PRUNE1: variants seen among roughly 807,000 people sequenced by gnomAD.
The protein encoded by PRUNE1 is exopolyphosphatase PRUNE1.
A neutral mutation model predicts 42.5 loss-of-function variants in PRUNE1; 25 were observed. That is an observed-to-expected ratio of 0.59 (90% CI 0.43 to 0.82). The LOEUF (loss-of-function observed/expected upper bound fraction) is 0.82. Ranked by LOEUF, PRUNE1 falls within the 40% of genes least tolerant of loss-of-function variation. PRUNE1 has a pLI of 0.00. For synonymous variants in PRUNE1, 203 were observed against 217.1 expected (o/e 0.93, Z 0.57); for missense variants, 443 against 539.3 (o/e 0.82, Z 1.77).
At position 151,033,931 on chromosome 1, in the gene PRUNE1, C is replaced by G. The variant is rs896026944; in HGVS notation, c.1059C>G (p.Pro353=). 1 of 1,614,112 alleles carries G rather than the reference C, an allele frequency of 6.2e-7. No homozygotes were observed. Reference sequence around the variant, plus strand: ...AGGTCTCTCGAAAGAAACTTCTGCCCCTGCTCCAGGAAGCCCTGTCAGCAT... The same window carrying G: ...AGGTCTCTCGAAAGAAACTTCTGCCGCTGCTCCAGGAAGCCCTGTCAGCAT... ...NTQVSRKKLL[P]LLQEALSAYF... The change falls in exon 8 of 8, where the codon CCC becomes CCG. Residue 353 remains proline, a synonymous_variant. Transcript: ENST00000271620.
Position 151,027,392 on chromosome 1 carries a change from G to GC in PRUNE1, c.774+67dup, listed in dbSNP as rs1375490306. ...TTTAGCTATGCATGTTATGCATGTG[G>GC]CCTTGCACCTCATTCCTGGCTCACC... On this transcript the variant is annotated intron_variant, in intron 6 of 7. Transcript: ENST00000271620. The GC allele has an allele frequency of 3.2e-5, 37 of 1,156,328 alleles. No homozygotes were observed. In the African/African-American group the frequency reaches 3.5e-4, roughly 11 times the overall value. 71.6% of individuals were successfully genotyped at this position (1,156,328 alleles called of 1,614,324 possible).
chr1:151,027,522 T>C (rs949339266), intron 6 of PRUNE1, among the ~76,000 whole-genome samples, 195 bp downstream of exon 6: 2 of 152,032 alleles, frequency 1.3e-5, no homozygotes, highest in African/African-American at 4.8e-5. Context: ...CTGGTGTCCC[T>C]GCCTCTGCTT....
At chr1:151,024,937 G>A (rs1266310632) in intron 4 of PRUNE1, 142 bp downstream of exon 4, 10 of 905,858 alleles carry the variant, frequency 1.1e-5, no homozygotes, top group Admixed American at 5.8e-5. Context: ...ATTCTTTCAG[G>A]GGACAATTGA....
intron 1 of PRUNE1, among the ~76,000 whole-genome samples, chr1:151,016,238 A>G (rs891090380): frequency 1.3e-5 from 2 of 149,856 alleles, no homozygotes; most frequent in Non-Finnish European, 3.0e-5. Flanking sequence ...CCCTGTCTCA[A>G]AAAAAAAAAG....
chr1:151,029,725 G>GAA (rs1247127388), intron 7 of PRUNE1, among the ~76,000 whole-genome samples: 2 of 141,420 alleles, frequency 1.4e-5, no homozygotes, highest in African/African-American at 2.6e-5. Flanking sequence ...CTCTGTTGGG[G>GAA]AAAAAAAAAA....
chr1:151,024,533 G>T, intron 3 of PRUNE1, 78 bp from the exon 4 acceptor site: 1 of 1,343,378 alleles, frequency 7.4e-7, no homozygotes, highest in South Asian at 1.2e-5. Context: ...TTGATGTGTG[G>T]GGTAGAGGTT....
At chr1:151,032,860 G>A (rs1456673932) in intron 7 of PRUNE1, among the ~76,000 whole-genome samples, 1 of 149,958 alleles carries the variant, frequency 6.7e-6, no homozygotes, top group African/African-American at 2.5e-5. Flanking sequence ...TGCAACCTCC[G>A]CCTCCCAGGT....
chr1:151,025,930 C>T (rs587774652), intron 5 of PRUNE1, among the ~76,000 whole-genome samples: 14 of 151,630 alleles, frequency 9.2e-5, no homozygotes, highest in South Asian at 4.2e-4. Flanking sequence ...TAGTAAAGAT[C>T]GGGTTTCACC....
At chr1:151,021,578 A>G (rs1674441261) in intron 3 of PRUNE1, among the ~76,000 whole-genome samples, 1 of 152,194 alleles carries the variant, frequency 6.6e-6, no homozygotes. Flanking sequence ...CAACACGATT[A>G]TGTGACTTTC....
chr1:151,025,768 T>C (rs1571802518), intron 5 of PRUNE1, 95 bp downstream of exon 5: 1 of 1,277,248 alleles, frequency 7.8e-7, no homozygotes, highest in Admixed American at 2.3e-5. Context: ...TGAGACAGAG[T>C]CTTGCTCTGC....
At position 151,033,946 on chromosome 1, in the gene PRUNE1, C is replaced by T; in HGVS notation, c.1074C>T (p.Ala358=). ...RKKLLPLLQE[A]LSAYFDSMKI... The stretch of plus-strand genomic sequence containing the variant: ...AACTTCTGCCCCTGCTCCAGGAAGC[C>T]CTGTCAGCATATTTTGACTCCATGA... Residue 358 remains alanine, a synonymous_variant, in exon 8 of 8, where the codon GCC becomes GCT. Transcript: ENST00000271620. 6.2e-7 allele frequency: 1 copy of T among 1,614,098 alleles called. No individual in the cohort carries two copies. Among genetic ancestry groups the T allele is most frequent in the Non-Finnish European group, 8.5e-7 (1 of 1,180,012 alleles).
chr1:151,014,153 G>A (rs1002838665), intron 1 of PRUNE1, among the ~76,000 whole-genome samples: 16 of 152,208 alleles, frequency 1.1e-4, no homozygotes, highest in African/African-American at 3.8e-4. Context: ...CTAATTTTTT[G>A]TATTTTTAGT....
chr1:151,017,875 G>C lies in PRUNE1; in HGVS notation c.103G>C (p.Ala35Pro). The part of the protein sequence containing the change: ...EACDLDSTVS[A>P]LALAFYLAKT... ...CTGTGATTTGGACTCCACAGTGTCTGCTCTTGCCCTGGCTTTTTACCTAGC... is the reference window on the plus strand; with the variant it reads ...CTGTGATTTGGACTCCACAGTGTCTCCTCTTGCCCTGGCTTTTTACCTAGC... Residue 35 changes from alanine to proline, a missense_variant, in exon 2 of 8, where the codon GCT becomes CCT. Transcript: ENST00000271620. 1 of 1,603,136 alleles carries C rather than the reference G, an allele frequency of 6.2e-7. No homozygotes were observed. Among genetic ancestry groups the C allele is most frequent in the Non-Finnish European group, 8.5e-7 (1 of 1,170,172 alleles).
intron 7 of PRUNE1, among the ~76,000 whole-genome samples, chr1:151,029,942 T>C (rs912307448): frequency 6.6e-6 from 1 of 151,934 alleles, no homozygotes; most frequent in Admixed American, 6.6e-5. Flanking sequence ...CCTCTGCTGG[T>C]TACTGATTAG....
intron 3 of PRUNE1, among the ~76,000 whole-genome samples, chr1:151,022,257 C>G (rs1249337463): frequency 1.3e-5 from 2 of 150,466 alleles, no homozygotes; most frequent in East Asian, 2.0e-4. Context: ...TACAAGCATG[C>G]GCCACCACAC....
intron 7 of PRUNE1, among the ~76,000 whole-genome samples, chr1:151,032,105 C>T (rs1447930853): frequency 1.3e-5 from 2 of 151,656 alleles, no homozygotes; most frequent in Non-Finnish European, 2.9e-5. Flanking sequence ...ATTAGCTGGG[C>T]ATGATGGCAG....
chr1:151,017,704 C>A, intron 1 of PRUNE1, 108 bp from the exon 2 acceptor site: 1 of 581,224 alleles, frequency 1.7e-6, no homozygotes, highest in Non-Finnish European at 2.7e-6. Context: ...CCAGCCTGGG[C>A]GACAGAGTGA....
intron 7 of PRUNE1, among the ~76,000 whole-genome samples, chr1:151,031,350 A>G (rs959250994): frequency 6.6e-6 from 1 of 150,790 alleles, no homozygotes; most frequent in East Asian, 1.9e-4. Flanking sequence ...TGGCTAGCTA[A>G]TTTTTTTTGT....
Position 151,034,124 on chromosome 1 carries a change from G to C in PRUNE1, c.1252G>C (p.Glu418Gln). ...GACGCCCATGAACAGCTTGGTGGAT[G>C]AGTGCCCTCTAGATCAGGGGCTGCC... The part of the protein sequence containing the change: ...PPTPMNSLVD[E>Q]CPLDQGLPKL... The change falls in exon 8 of 8, where the codon GAG becomes CAG. Residue 418 changes from glutamate to glutamine, a missense_variant. Transcript: ENST00000271620. The C allele has an allele frequency of 6.2e-7, 1 of 1,614,218 alleles. No homozygotes were observed. Among genetic ancestry groups the C allele is most frequent in the Non-Finnish European group, 8.5e-7 (1 of 1,180,052 alleles).
Sources: allele counts gnomAD v4.1 joint callset (sites outside exome capture counted in the v4.1 genomes callset), GRCh38; gene constraint gnomAD v4.1.1; transcripts MANE v1.5; gene names NCBI Gene and HGNC (gene_info 2026-07-23, HGNC 2026-07-21).